Variants in PCDH10 observed in about 807,000 individuals in gnomAD.
PCDH10 encodes protocadherin-10.
Under a neutral mutation model 74.4 loss-of-function variants are expected in PCDH10, and 15 were observed. The observed-to-expected ratio is 0.20, with a 90% CI of 0.13 to 0.31. PCDH10 has a LOEUF of 0.31. Ranked by LOEUF, PCDH10 falls within the 10% of genes least tolerant of loss-of-function variation. The pLI is 1.00. For synonymous variants in PCDH10, 619 were observed against 589.8 expected (o/e 1.05, Z -0.72); for missense variants, 1,260 against 1,390.2 (o/e 0.91, Z 1.49).
chr4:133,178,778 G>GTCTC (rs929766125), intron 4 of PCDH10, among the ~76,000 whole-genome samples: 3 of 152,094 alleles, frequency 2.0e-5, no homozygotes, highest in Non-Finnish European at 4.4e-5. Context: ...ACTTGTGAGT[G>GTCTC]TCTCTCTATG....
intron 2 of PCDH10, among the ~76,000 whole-genome samples, chr4:133,199,741 A>G (rs1184321719): frequency 6.7e-6 from 1 of 149,656 alleles, no homozygotes; most frequent in Admixed American, 6.7e-5. Flanking sequence ...TTATATTTAA[A>G]CAACTCCACA....
In PCDH10 at chr4:133,150,102, C is replaced by T; in HGVS notation, c.-39C>T. 1 of 1,464,080 alleles carries T rather than the reference C, an allele frequency of 6.8e-7. No individual in the cohort carries two copies. The highest frequency in any genetic ancestry group is 9.0e-7 in the Non-Finnish European group (1 of 1,105,258). 90.7% of individuals were successfully genotyped at this position (1,464,080 alleles called of 1,614,324 possible). A position where few individuals can be genotyped will look rare whatever the true frequency, so the allele number is the denominator to read the frequency against. ...GGTGGTGGGGGAGGTGATTGGGTGG[C>T]TGACTGGCTGCGGGAAGCTACTTCC... On this transcript the variant is annotated 5_prime_UTR_variant, in exon 1 of 5. Coordinates refer to ENST00000264360, the MANE Select transcript of PCDH10 (RefSeq NM_032961.3).
At chr4:133,168,293 C>A (rs2125865439) in intron 4 of PCDH10, among the ~76,000 whole-genome samples, 1 of 151,260 alleles carries the variant, frequency 6.6e-6, no homozygotes, top group East Asian at 1.9e-4. Flanking sequence ...CTTCTGTAAG[C>A]AATTTTTTTT....
intron 2 of PCDH10, among the ~76,000 whole-genome samples, chr4:133,207,691 A>T (rs555681187): frequency 6.6e-6 from 1 of 152,328 alleles, no homozygotes; most frequent in African/African-American, 2.4e-5. Flanking sequence ...GCAAGATTAT[A>T]TTTGGAGAAC....
At chr4:133,173,454 G>T (rs920835305) in intron 4 of PCDH10, among the ~76,000 whole-genome samples, 2 of 151,928 alleles carry the variant, frequency 1.3e-5, no homozygotes, top group African/African-American at 4.8e-5. Flanking sequence ...GAGGGATATG[G>T]AAACATTTTA....
chr4:133,206,533 G>C (rs561622129), intron 2 of PCDH10, among the ~76,000 whole-genome samples: 3 of 152,244 alleles, frequency 2.0e-5, no homozygotes, highest in East Asian at 1.9e-4. Context: ...GGATAAACCA[G>C]GTTTCTTCTT....
intron 4 of PCDH10, among the ~76,000 whole-genome samples, chr4:133,166,475 T>C (rs1364154393): frequency 2.0e-5 from 3 of 151,680 alleles, no homozygotes; most frequent in Middle Eastern, 6.9e-3. Flanking sequence ...AATGATTCAG[T>C]CTTTCAAATG....
At position 133,152,164 on chromosome 4, in the gene PCDH10, T is replaced by A; in HGVS notation, c.2024T>A (p.Val675Glu). Residue 675 changes from valine (V) to glutamate (E), a missense_variant, in exon 1 of 5, where the codon GTG becomes GAG. Around this residue, in one of 11 missense-constraint regions of PCDH10, gnomAD observed 587 missense variants for 616.9 expected, o/e 0.95. Transcript: ENST00000264360. ...QPPLSSTATL[V>E]VQLVDGAVEP... ...CCCCTTTCCTCCACCGCCACCCTGG[T>A]GGTTCAGCTGGTGGATGGCGCCGTG... The A allele has an allele frequency of 1.3e-6, 2 of 1,567,746 alleles. No homozygotes were observed. Among genetic ancestry groups the A allele is most frequent in the Middle Eastern group, 1.7e-4 (1 of 5,808 alleles).
chr4:133,172,868 T>C (rs753552251), intron 4 of PCDH10, among the ~76,000 whole-genome samples: 1 of 152,010 alleles, frequency 6.6e-6, no homozygotes. Flanking sequence ...CTAGAAGTGA[T>C]ACATGCTTTC....
intron 4 of PCDH10, among the ~76,000 whole-genome samples, chr4:133,185,288 A>G (rs1727522735): frequency 6.6e-6 from 1 of 151,618 alleles, no homozygotes. Context: ...TTTCAAAAAT[A>G]AAAGCAAATA....
intron 4 of PCDH10, among the ~76,000 whole-genome samples, chr4:133,170,483 T>G (rs958960416): frequency 6.6e-6 from 1 of 152,182 alleles, no homozygotes; most frequent in Non-Finnish European, 1.5e-5. Flanking sequence ...TACACTCACA[T>G]ACATTTACAT....
intron 2 of PCDH10, among the ~76,000 whole-genome samples, chr4:133,200,325 A>T (rs1241980026): frequency 2.6e-5 from 4 of 151,902 alleles, no homozygotes; most frequent in African/African-American, 9.7e-5. Context: ...GGCTTGACCC[A>T]TGTAAAAAGG....
At position 133,154,289 on chromosome 4, in the gene PCDH10, T is replaced by G; in HGVS notation, c.2632-18T>G. The G allele has an allele frequency of 6.3e-7, 1 of 1,580,060 alleles. No individual in the cohort carries two copies. The highest frequency in any genetic ancestry group is 8.7e-7 in the Non-Finnish European group (1 of 1,153,208). ...CCATAGCATTCAAATGCTCTTGATT[T>G]ATTTATTTTTTTCCTAGACTAAACA... On this transcript the variant is annotated intron_variant, in intron 1 of 4. Coordinates refer to ENST00000264360, the MANE Select transcript of PCDH10 (RefSeq NM_032961.3).
intron 4 of PCDH10, among the ~76,000 whole-genome samples, chr4:133,166,397 T>C (rs1339661672): frequency 6.6e-6 from 1 of 151,554 alleles, no homozygotes; most frequent in Non-Finnish European, 1.5e-5. Context: ...TTCTGGAGTT[T>C]TAAAATAACA....
intron 4 of PCDH10, among the ~76,000 whole-genome samples, chr4:133,182,130 A>G (rs192361049): frequency 1.8e-3 from 270 of 152,114 alleles, no homozygotes; most frequent in South Asian, 3.7e-3. Context: ...AAGTAGCTGG[A>G]GTGAATATTG....
intron 2 of PCDH10, among the ~76,000 whole-genome samples, chr4:133,199,954 C>T (rs540003124): frequency 7.3e-5 from 11 of 151,214 alleles, no homozygotes; most frequent in East Asian, 1.9e-4. Context: ...CACGCCGCCA[C>T]GCCCAGCTAA....
intron 2 of PCDH10, among the ~76,000 whole-genome samples, chr4:133,207,436 T>C (rs1467529774): frequency 6.6e-6 from 1 of 152,188 alleles, no homozygotes; most frequent in Non-Finnish European, 1.5e-5. Context: ...CACCTGAGTG[T>C]TAATGAGCTG....
downstream of PCDH10, among the ~76,000 whole-genome samples, chr4:133,195,348 T>A (rs1050115318): frequency 3.3e-5 from 5 of 152,036 alleles, no homozygotes; most frequent in Non-Finnish European, 7.4e-5. Context: ...TTTCTCTTGC[T>A]TTGAACATCT....
intron 4 of PCDH10, among the ~76,000 whole-genome samples, chr4:133,183,960 T>C (rs1303741782): frequency 6.6e-6 from 1 of 152,158 alleles, no homozygotes; most frequent in East Asian, 1.9e-4. Context: ...GATTTCTTAT[T>C]TTTAAATATC....
Sources: allele counts gnomAD v4.1 joint callset (sites outside exome capture counted in the v4.1 genomes callset), GRCh38; gene constraint gnomAD v4.1.1; regional missense constraint gnomAD v4.1.1; transcripts MANE v1.5; gene names NCBI Gene and HGNC (gene_info 2026-07-23, HGNC 2026-07-21).